The following MED13L variants were observed in gnomAD, a reference collection of about 807,000 sequenced individuals.
MED13L encodes mediator complex subunit 13L.
A neutral mutation model predicts 220.9 loss-of-function variants in MED13L; 7 were observed. The observed-to-expected ratio is 0.03, with a 90% CI of 0.02 to 0.06. The LOEUF is 0.06. Ranked by LOEUF, MED13L falls within the 10% of genes least tolerant of loss-of-function variation. MED13L has a pLI of 1.00. For synonymous variants in MED13L, 1,011 were observed against 1,015.2 expected, an observed-to-expected ratio of 1.00 and a Z score of 0.08; for missense variants, 1,965 against 2,760.5, an observed-to-expected ratio of 0.71 and a Z score of 6.46.
chr12:116,096,729 A>G lies in MED13L; in HGVS notation c.419T>C (p.Val140Ala). The G allele has an allele frequency of 6.2e-7, 1 of 1,613,978 alleles. No individual in the cohort carries two copies. Among genetic ancestry groups the G allele is most frequent in the Non-Finnish European group, 8.5e-7 (1 of 1,179,922 alleles). Reference sequence around the variant, plus strand: ...TCGGACAAACCATTTCCCAATCCTAACGAAGTTCTTATCCATTAGGCACCT... The same window carrying G: ...TCGGACAAACCATTTCCCAATCCTAGCGAAGTTCTTATCCATTAGGCACCT... ...LERCLMDKNFVRIGKWFVRPY... is the reference protein window; with the variant it reads ...LERCLMDKNFARIGKWFVRPY... The change falls in exon 4 of 31, where the codon GTT (valine) becomes GCT (alanine). Residue 140 changes from valine (V) to alanine (A), a missense_variant. Val to Ala is a moderately conservative substitution (Grantham distance 64). Transcript: ENST00000281928.
chr12:116,040,109 A>G (rs949819717), intron 4 of MED13L, among the ~76,000 whole-genome samples: 1 of 152,232 alleles, frequency 6.6e-6, no homozygotes, highest in Non-Finnish European at 1.5e-5. Flanking sequence ...ATGTCTCCCA[A>G]CAATAGGTAA....
intron 1 of MED13L, among the ~76,000 whole-genome samples, chr12:116,258,072 C>T (rs772306323): frequency 2.0e-5 from 3 of 152,104 alleles, no homozygotes; most frequent in Admixed American, 6.5e-5. Flanking sequence ...GTCTACACTG[C>T]TAATTTTCAA....
intron 4 of MED13L, among the ~76,000 whole-genome samples, chr12:116,082,028 C>G (rs1871272419): frequency 6.6e-6 from 1 of 152,018 alleles, no homozygotes; most frequent in African/African-American, 2.4e-5. Flanking sequence ...AAATTCCCTC[C>G]AAAGAAACAT....
intron 4 of MED13L, among the ~76,000 whole-genome samples, chr12:116,071,407 GC>G (rs1480715314): frequency 6.6e-6 from 1 of 152,114 alleles, no homozygotes; most frequent in African/African-American, 2.4e-5. Flanking sequence ...TTCTCCACTT[GC>G]TTTTGTTGTT....
Position 116,102,084 on chromosome 12 carries a change from C to T in MED13L, c.396-5332G>A, listed in dbSNP as rs549184477. Among the ~76,000 whole-genome samples the T allele has an allele frequency of 5.3e-5, 8 of 152,300 alleles. 1 individual carries two copies. In the South Asian group the frequency reaches 1.4e-3, roughly 28 times the overall value. The stretch of plus-strand genomic sequence containing the variant: ...TATTTCTGTTCCCAACCCCCACCAC[C>T]TCCCCAAAATCACTGTTTCAAAAAG... On this transcript the variant is annotated intron_variant, in intron 3 of 30. Transcript: ENST00000281928.
intron 2 of MED13L, among the ~76,000 whole-genome samples, chr12:116,189,307 A>G (rs1319068906): frequency 6.6e-6 from 1 of 152,028 alleles, no homozygotes; most frequent in African/African-American, 2.4e-5. Context: ...CCATGTGTAC[A>G]TATCTCTTCG....
intron 2 of MED13L, among the ~76,000 whole-genome samples, chr12:116,175,927 A>G (rs1385708346): frequency 6.6e-6 from 1 of 152,226 alleles, no homozygotes; most frequent in Non-Finnish European, 1.5e-5. Context: ...ATTCATATGG[A>G]AGAGTCCAAC....
chr12:116,023,754 C>T (rs1880204702), intron 4 of MED13L, among the ~76,000 whole-genome samples: 1 of 152,094 alleles, frequency 6.6e-6, no homozygotes, highest in Admixed American at 6.5e-5. Context: ...TTTAACATGA[C>T]AGAGTAAATT....
intron 2 of MED13L, among the ~76,000 whole-genome samples, chr12:116,143,000 C>T (rs1023854607): frequency 1.3e-5 from 2 of 152,160 alleles, no homozygotes; most frequent in African/African-American, 4.8e-5. Context: ...GTTTCGTGGG[C>T]TCAGGGTCTG....
Position 115,966,100 on chromosome 12 carries a change from C to G in MED13L, c.6369G>C (p.Gln2123His). The G allele has an allele frequency of 6.2e-7, 1 of 1,614,158 alleles. No homozygotes were observed. Among genetic ancestry groups the G allele is most frequent in the South Asian group, 1.1e-5 (1 of 91,084 alleles). ...FWSSCPQAQN[Q>H]CPLFLKASLH... ...AACCAACCTTTAAGAAGAGAGGGCACTGGTTTTGAGCCTGGGGACACGATG... is the reference window on the plus strand; with the variant it reads ...AACCAACCTTTAAGAAGAGAGGGCAGTGGTTTTGAGCCTGGGGACACGATG... Residue 2123 changes from glutamine (Q) to histidine (H), a missense_variant, in exon 29 of 31, where the codon CAG becomes CAC. Around this residue, in one of 10 missense-constraint regions of MED13L, gnomAD observed 145 missense variants for 328.3 expected, o/e 0.44. Transcript: ENST00000281928.
intron 1 of MED13L, among the ~76,000 whole-genome samples, chr12:116,266,290 AGAAGG>A (rs1872825565): frequency 6.6e-6 from 1 of 152,218 alleles, no homozygotes; most frequent in African/African-American, 2.4e-5. Context: ...GAGAGGAAAG[AGAAGG>A]GAAGTGCTAA....
At chr12:116,063,738 T>G (rs1223432884) in intron 4 of MED13L, among the ~76,000 whole-genome samples, 4 of 152,098 alleles carry the variant, frequency 2.6e-5, no homozygotes, top group African/African-American at 9.7e-5. Context: ...CCTTTAAAAT[T>G]TTTCTAATAC....
chr12:116,165,394 G>A (rs1308307254), intron 2 of MED13L, among the ~76,000 whole-genome samples: 8 of 150,234 alleles, frequency 5.3e-5, no homozygotes, highest in East Asian at 2.0e-4. Flanking sequence ...TCAGTGGCAC[G>A]ATCTTAGCTC....
At chr12:116,079,280 A>G (rs1871052374) in intron 4 of MED13L, among the ~76,000 whole-genome samples, 3 of 151,964 alleles carry the variant, frequency 2.0e-5, no homozygotes. Context: ...TGGCAGTGGT[A>G]TAATTATAGC....
chr12:116,220,256 A>C (rs1310084473), intron 2 of MED13L, among the ~76,000 whole-genome samples: 1 of 152,190 alleles, frequency 6.6e-6, no homozygotes, highest in East Asian at 1.9e-4. Context: ...ATAAAATAAT[A>C]ATCTGAATTA....
intron 19 of MED13L, among the ~76,000 whole-genome samples, chr12:115,985,390 G>A (rs558954960): frequency 7.9e-5 from 12 of 152,248 alleles, no homozygotes; most frequent in Admixed American, 6.5e-4. Context: ...TAGCAACAAC[G>A]TAAATTTACT....
rs540974125 is a variant in MED13L at position 116,111,844 on chromosome 12, C to T, written c.311-332G>A. Among the ~76,000 whole-genome samples the T allele has an allele frequency of 1.7e-4, 26 of 152,128 alleles. No homozygotes were observed. The South Asian group carries it at 2.9e-3, about 17-fold the overall frequency. ...AATCTATTTAAGAGTATCGCAAAGA[C>T]TAATTTTGTTAAAGTTCTATTGAAA... On this transcript the variant is annotated intron_variant, in intron 2 of 30. Coordinates refer to ENST00000281928, the MANE Select transcript of MED13L (RefSeq NM_015335.5).
chr12:115,962,385 T>A (rs562276130), intron 30 of MED13L, among the ~76,000 whole-genome samples: 1 of 152,170 alleles, frequency 6.6e-6, no homozygotes, highest in Admixed American at 6.5e-5. Context: ...TCTAATGTCA[T>A]TGCCTGACAG....
chr12:116,162,229 A>G (rs911955824), intron 2 of MED13L, among the ~76,000 whole-genome samples: 13 of 152,194 alleles, frequency 8.5e-5, no homozygotes, highest in Admixed American at 6.5e-4. Flanking sequence ...GAAGTAATCT[A>G]TTGTTAACTA....
Sources: gnomAD v4.1 joint callset for allele counts (sites outside exome capture counted in the v4.1 genomes callset) on GRCh38, gnomAD v4.1.1 for gene constraint, gnomAD v4.1.1 regional missense constraint, MANE v1.5 for transcripts, NCBI Gene and HGNC (gene_info 2026-07-23, HGNC 2026-07-21) for gene names.